Variants in AKAP6 observed in about 807,000 individuals in gnomAD.
AKAP6 encodes the protein A-kinase anchor protein 6.
A neutral mutation model predicts 188.5 loss-of-function variants in AKAP6; 58 were observed. That is an observed-to-expected ratio of 0.31 (90% confidence interval 0.25 to 0.38). The LOEUF is 0.38. AKAP6 is among the 10% of genes least tolerant of loss of function. The pLI is 1.00. For synonymous variants in AKAP6, 989 were observed against 998.6 expected (o/e 0.99, Z 0.18); for missense variants, 2,710 against 2,740.0 (o/e 0.99, Z 0.24).
intron 9 of AKAP6, among the ~76,000 whole-genome samples, chr14:32,708,478 A>G (rs1890906698): frequency 6.6e-6 from 1 of 152,056 alleles, no homozygotes; most frequent in African/African-American, 2.4e-5. Context: ...AGCCGTAGCT[A>G]GCTAATTCAG....
At chr14:32,587,099 T>C (rs1885287206) in intron 5 of AKAP6, among the ~76,000 whole-genome samples, 1 of 152,228 alleles carries the variant, frequency 6.6e-6, no homozygotes, top group Non-Finnish European at 1.5e-5. Context: ...CATCTTACTG[T>C]AGTTTAGTTT....
intron 4 of AKAP6, among the ~76,000 whole-genome samples, chr14:32,557,488 C>A (rs1276806896): frequency 6.6e-6 from 1 of 152,184 alleles, no homozygotes; most frequent in African/African-American, 2.4e-5. Flanking sequence ...CAGCTGTATC[C>A]TTTTTTATTC....
At chr14:32,728,886 T>A (rs997602642) in intron 9 of AKAP6, among the ~76,000 whole-genome samples, 1 of 152,198 alleles carries the variant, frequency 6.6e-6, no homozygotes, top group African/African-American at 2.4e-5. Flanking sequence ...GGGGGCAAGG[T>A]TCACATAATA....
intron 2 of AKAP6, among the ~76,000 whole-genome samples, chr14:32,443,001 A>G (rs1462016360): frequency 6.6e-6 from 1 of 150,678 alleles, no homozygotes; most frequent in Non-Finnish European, 1.5e-5. Context: ...ATCTTTAATG[A>G]TAAATGTTAA....
At chr14:32,336,401 C>T (rs10145127) in intron 1 of AKAP6, among the ~76,000 whole-genome samples, 35,096 of 151,964 alleles carry the variant, frequency 0.23, 4,654 homozygotes, top group East Asian at 0.37. Context: ...GTAAAACTAT[C>T]TGTTTCAGAT....
At chr14:32,335,842 CTTTTTTTT>C (rs375076849) in intron 1 of AKAP6, among the ~76,000 whole-genome samples, 1 of 94,026 alleles carries the variant, frequency 1.1e-5, no homozygotes, top group Non-Finnish European at 2.1e-5. Context: ...TCCTTTTCTC[CTTTTTTTT>C]TTTTTTTTTT....
At chr14:32,510,425 CATATATATAT>C (rs1566546612) in intron 2 of AKAP6, among the ~76,000 whole-genome samples, 26 of 51,586 alleles carry the variant, frequency 5.0e-4, no homozygotes, top group African/African-American at 1.9e-3. Context: ...TATATATATA[CATATATATAT>C]GTGTATATAT....
At chr14:32,517,773 G>A (rs1011975024) in intron 2 of AKAP6, among the ~76,000 whole-genome samples, 1 of 152,230 alleles carries the variant, frequency 6.6e-6, no homozygotes, top group Admixed American at 6.5e-5. Flanking sequence ...TGTGGGCAGG[G>A]CATAGCTGAA....
intron 7 of AKAP6, among the ~76,000 whole-genome samples, chr14:32,650,277 G>A (rs937212055): frequency 4.6e-5 from 7 of 152,066 alleles, no homozygotes; most frequent in Non-Finnish European, 1.0e-4. Flanking sequence ...AACGCATAGC[G>A]GTTTGTCTTT....
intron 1 of AKAP6, among the ~76,000 whole-genome samples, chr14:32,330,936 T>A (rs140326031): frequency 6.6e-6 from 1 of 152,038 alleles, no homozygotes; most frequent in African/African-American, 2.4e-5. Flanking sequence ...CTTAGAAGCA[T>A]GAATTGTTCA....
chr14:32,436,435 T>C (rs577759377), intron 2 of AKAP6, among the ~76,000 whole-genome samples: 1 of 152,202 alleles, frequency 6.6e-6, no homozygotes, highest in South Asian at 2.1e-4. Flanking sequence ...GACTCTCCAC[T>C]CCACATACAT....
intron 12 of AKAP6, among the ~76,000 whole-genome samples, chr14:32,781,640 A>G (rs752230699): frequency 1.3e-5 from 2 of 152,204 alleles, no homozygotes; most frequent in Non-Finnish European, 2.9e-5. Flanking sequence ...TATGAATGTC[A>G]ATAAAAAGAT....
intron 13 of AKAP6, among the ~76,000 whole-genome samples, chr14:32,828,605 G>T (rs1314504136): frequency 6.7e-6 from 1 of 150,104 alleles, no homozygotes; most frequent in East Asian, 2.0e-4. Context: ...TCAGCCAATT[G>T]GCCTGCCCAT....
chr14:32,708,249 T>C (rs567791334), intron 9 of AKAP6, among the ~76,000 whole-genome samples: 38 of 152,166 alleles, frequency 2.5e-4, no homozygotes, highest in African/African-American at 8.7e-4. Context: ...GACATATTCA[T>C]TGCAGAAAAT....
At chr14:32,358,525 T>TGG (rs138758684) in intron 1 of AKAP6, among the ~76,000 whole-genome samples, 1 of 151,888 alleles carries the variant, frequency 6.6e-6, no homozygotes, top group African/African-American at 2.4e-5. Context: ...CTGTGTTGGG[T>TGG]GGGGGGGTTA....
At chr14:32,818,283 A>G (rs775624708) in intron 12 of AKAP6, among the ~76,000 whole-genome samples, 1 of 152,134 alleles carries the variant, frequency 6.6e-6, no homozygotes, top group African/African-American at 2.4e-5. Flanking sequence ...ATCTTTTCCT[A>G]TGGAAATTTT....
At chr14:32,634,375 T>C (rs1390856814) in intron 7 of AKAP6, among the ~76,000 whole-genome samples, 2 of 152,108 alleles carry the variant, frequency 1.3e-5, no homozygotes, top group Non-Finnish European at 2.9e-5. Context: ...CTTTTTTGCC[T>C]TCTGACTTAT....
rs1459842154 is a variant in AKAP6 at position 32,540,166 on chromosome 14, C to CTATATA, written c.576+4362_576+4363insATATAT. On this transcript the variant is annotated intron_variant, in intron 3 of 13. Coordinates refer to ENST00000280979, the MANE Select transcript of AKAP6 (RefSeq NM_004274.5). ...TCTCTCTCTCTCTCTCTCTCTCTCT[C>CTATATA]TCTATATATATATATATATATATAT... Among the ~76,000 whole-genome samples the CTATATA allele has an allele frequency of 4.0e-3, 346 of 87,334 alleles. 1 individual carries two copies. Among genetic ancestry groups the CTATATA allele is most frequent in the Non-Finnish European group, 5.9e-3 (288 of 49,072 alleles). The allele number at this position is 87,334 out of a possible 152,430, so 57.3% of individuals were successfully genotyped here. A position where few individuals can be genotyped will look rare whatever the true frequency, so the allele number is the denominator to read the frequency against.
chr14:32,656,127 G>A (rs1336154678), intron 7 of AKAP6, among the ~76,000 whole-genome samples: 1 of 151,990 alleles, frequency 6.6e-6, no homozygotes, highest in East Asian at 1.9e-4. Context: ...TTAAATAAAT[G>A]TGTTTGGAAA....
Sources: gnomAD v4.1 joint callset for allele counts (sites outside exome capture counted in the v4.1 genomes callset) on GRCh38, gnomAD v4.1.1 for gene constraint, MANE v1.5 for transcripts, NCBI Gene and HGNC (gene_info 2026-07-23, HGNC 2026-07-21) for gene names.